The following PICALM variants were observed in gnomAD, a reference collection of about 807,000 sequenced individuals.
PICALM encodes phosphatidylinositol binding clathrin assembly protein, also known as phosphatidylinositol-binding clathrin assembly protein.
PICALM carries 40 observed loss-of-function variants against 80.5 expected under a neutral mutation model. That is an observed-to-expected ratio of 0.50 (90% CI 0.39 to 0.65). The LOEUF (loss-of-function observed/expected upper bound fraction) is 0.65. PICALM is among the 30% of genes least tolerant of loss of function. The pLI is 0.00. For synonymous variants in PICALM, 288 were observed against 260.3 expected (o/e 1.11, Z -1.02); for missense variants, 676 against 778.9 (o/e 0.87, Z 1.57).
chr11:85,968,114 G>A (rs951861980), intron 19 of PICALM, among the ~76,000 whole-genome samples: 4 of 152,116 alleles, frequency 2.6e-5, no homozygotes, highest in Middle Eastern at 3.2e-3. Flanking sequence ...TGGGAGGACT[G>A]CTTGAGATCA....
rs1362168300 is a variant in PICALM, at chr11:85,971,165, T to C, written c.1944+3543A>G. Among the ~76,000 whole-genome samples, 13 of 152,338 alleles carry C rather than the reference T, an allele frequency of 8.5e-5. No homozygotes were observed. In the East Asian group the frequency reaches 2.5e-3, roughly 29 times the overall value. On this transcript the variant is annotated intron_variant, in intron 19 of 19. Coordinates refer to ENST00000393346, the MANE Select transcript of PICALM (RefSeq NM_007166.4). ...GAGAGACCAAAGCTTCTTCAAGCCA[T>C]TTCATTGCTGCCTGATTTTATTTTC...
At chr11:86,044,727 T>C (rs2096039123) in intron 1 of PICALM, among the ~76,000 whole-genome samples, 1 of 152,226 alleles carries the variant, frequency 6.6e-6, no homozygotes, top group African/African-American at 2.4e-5. Context: ...GAAGCATTAC[T>C]GCCTGAGCTC....
intron 1 of PICALM, among the ~76,000 whole-genome samples, chr11:86,049,687 C>T (rs1322748071): frequency 6.6e-6 from 1 of 151,636 alleles, no homozygotes; most frequent in African/African-American, 2.4e-5. Flanking sequence ...CCTGCCTTGG[C>T]CTCCCAAAGT....
At chr11:85,974,035 G>A (rs554487128) in intron 19 of PICALM, among the ~76,000 whole-genome samples, 14 of 151,348 alleles carry the variant, frequency 9.3e-5, no homozygotes, top group Admixed American at 3.3e-4. Context: ...TAACCGTAAC[G>A]GGTAAAACAT....
At chr11:85,993,072 C>T (rs1046960989) in intron 12 of PICALM, among the ~76,000 whole-genome samples, 2 of 151,356 alleles carry the variant, frequency 1.3e-5, no homozygotes, top group African/African-American at 2.4e-5. Flanking sequence ...ACTGGCAATT[C>T]GAAATCCCTT....
Position 85,958,153 on chromosome 11 carries a change from C to A in PICALM, c.*893G>T. On this transcript the variant is annotated 3_prime_UTR_variant, in exon 20 of 20. Coordinates refer to ENST00000393346, the MANE Select transcript of PICALM (RefSeq NM_007166.4). Reference sequence around the variant, plus strand: ...ATGGAAAATAATGACATGCCAAGCACAAAGCAGTAAAGATCCTTCCCAATG... The same window carrying A: ...ATGGAAAATAATGACATGCCAAGCAAAAAGCAGTAAAGATCCTTCCCAATG... 4.4e-6 allele frequency: 1 copy of A among 225,258 alleles called. No homozygotes were observed. The allele number at this position is 225,258 out of a possible 1,614,324, so 14.0% of individuals were successfully genotyped here. A position where few individuals can be genotyped will look rare whatever the true frequency, so the allele number is the denominator to read the frequency against.
chr11:85,981,700 A>G, intron 16 of PICALM, 45 bp downstream of exon 16: 1 of 1,461,286 alleles, frequency 6.8e-7, no homozygotes, highest in Non-Finnish European at 9.6e-7. Context: ...TGGAGAAAAC[A>G]CTAAATAACA....
At chr11:85,998,173 G>A (rs148609700) in intron 11 of PICALM, among the ~76,000 whole-genome samples, 4,428 of 152,144 alleles carry the variant, frequency 0.029, 225 homozygotes, top group African/African-American at 0.1. Flanking sequence ...GTGCAGTGGA[G>A]CGATCCTGGC....
At chr11:85,979,202 A>C (rs1442609609) in intron 17 of PICALM, among the ~76,000 whole-genome samples, 1 of 152,162 alleles carries the variant, frequency 6.6e-6, no homozygotes, top group Non-Finnish European at 1.5e-5. Context: ...AAAATCAGTG[A>C]TGATAGGCTG....
chr11:85,988,565 C>T (rs540339890), intron 13 of PICALM, among the ~76,000 whole-genome samples: 1 of 151,320 alleles, frequency 6.6e-6, no homozygotes, highest in African/African-American at 2.4e-5. Context: ...TCTGACAAGG[C>T]ATACAAGGCA....
At chr11:86,005,834 G>A (rs560275047) in intron 8 of PICALM, among the ~76,000 whole-genome samples, 53 of 150,112 alleles carry the variant, frequency 3.5e-4, no homozygotes, top group Middle Eastern at 3.5e-3. Context: ...TACCACCATC[G>A]TCCCTAAAGT....
intron 4 of PICALM, among the ~76,000 whole-genome samples, chr11:86,018,283 C>T (rs2095511121): frequency 1.3e-5 from 2 of 152,150 alleles, no homozygotes; most frequent in Non-Finnish European, 2.9e-5. Flanking sequence ...TGCTCAATAT[C>T]ACCATTTATT....
chr11:86,068,998 T>C lies in PICALM; in HGVS notation c.-218A>G, dbSNP rs1411117346. On this transcript the variant is annotated 5_prime_UTR_variant, in exon 1 of 20. Transcript: ENST00000393346. ...GTCGGACAAGATGTCGGGCACTCCC[T>C]TGCCCCCGCCTCAGTTCAGCCCACC... 5.3e-6 allele frequency: 3 copies of C among 569,110 alleles called. No individual in the cohort carries two copies. The highest frequency in any genetic ancestry group is 9.2e-6 in the Non-Finnish European group (3 of 327,716). The allele number at this position is 569,110 out of a possible 1,614,324, so 35.3% of individuals were successfully genotyped here. A position where few individuals can be genotyped will look rare whatever the true frequency, so the allele number is the denominator to read the frequency against.
intron 17 of PICALM, among the ~76,000 whole-genome samples, chr11:85,979,658 C>A (rs929821662): frequency 6.6e-6 from 1 of 152,108 alleles, no homozygotes; most frequent in Non-Finnish European, 1.5e-5. Context: ...CAAATTTTAA[C>A]AAACATACTA....
Position 85,982,307 on chromosome 11 carries a change from T to C in PICALM, c.1517-304A>G, listed in dbSNP as rs560848200. 28 of 234,142 alleles carry C rather than the reference T, an allele frequency of 1.2e-4. 1 individual carries two copies. The highest frequency in any genetic ancestry group is 2.2e-4 in the Non-Finnish European group (26 of 117,102). 14.5% of individuals were successfully genotyped at this position (234,142 alleles called of 1,614,324 possible). ...AAAAAAACAAATGTAATTCTCCTGC[T>C]AGCCCAGCAAAATTTTCTGAAGACT... On this transcript the variant is annotated intron_variant, in intron 14 of 19. Transcript: ENST00000393346.
chr11:86,063,388 C>T (rs976029863), intron 1 of PICALM, among the ~76,000 whole-genome samples: 6 of 152,076 alleles, frequency 3.9e-5, no homozygotes, highest in African/African-American at 1.2e-4. Context: ...TATATAGATG[C>T]CCAAAGTCTT....
intron 1 of PICALM, among the ~76,000 whole-genome samples, chr11:86,055,430 A>G (rs2137475467): frequency 6.6e-6 from 1 of 152,342 alleles, no homozygotes; most frequent in Non-Finnish European, 1.5e-5. Flanking sequence ...CCTTCTTCAT[A>G]TATCTAAGAC....
chr11:86,051,345 T>G (rs556157957), intron 1 of PICALM, among the ~76,000 whole-genome samples: 6 of 152,318 alleles, frequency 3.9e-5, no homozygotes, highest in African/African-American at 1.4e-4. Flanking sequence ...CAGTTAGAGC[T>G]TACTCCTCTT....
intron 1 of PICALM, among the ~76,000 whole-genome samples, chr11:86,039,629 A>T (rs2508691): frequency 0.72 from 109,542 of 152,070 alleles, 40,048 homozygotes; most frequent in African/African-American, 0.87. Flanking sequence ...AAGACCTCCA[A>T]CAATGCTAGT....
Sources: gnomAD v4.1 joint callset for allele counts (sites outside exome capture counted in the v4.1 genomes callset) on GRCh38, gnomAD v4.1.1 for gene constraint, MANE v1.5 for transcripts, NCBI Gene and HGNC (gene_info 2026-07-23, HGNC 2026-07-21) for gene names.